IQCH: variants seen among roughly 807,000 people sequenced by gnomAD.
IQCH encodes the protein IQ motif containing H.
IQCH carries 98 observed loss-of-function variants against 117.0 expected under a neutral mutation model. The ratio of observed to expected loss-of-function variants is 0.84; its 90% confidence interval spans 0.71 to 0.99. The LOEUF is 0.99. Ranked by LOEUF, IQCH falls within the 50% of genes least tolerant of loss-of-function variation. The pLI is 0.00. For missense variants in IQCH, 1,102 were observed against 1,243.8 expected (o/e 0.89, Z 1.72); for synonymous variants, 412 against 448.2 (o/e 0.92, Z 1.02).
At chr15:67,358,480 G>A (rs543210063) in intron 7 of IQCH, among the ~76,000 whole-genome samples, 28 of 152,214 alleles carry the variant, frequency 1.8e-4, no homozygotes, top group Admixed American at 1.7e-3. Context: ...GTAGGCATAA[G>A]CCACCACACC....
Position 67,395,175 on chromosome 15 carries a change from A to T in IQCH, c.1633-116A>T. On this transcript the variant is annotated intron_variant, in intron 12 of 20. Coordinates refer to ENST00000335894, the MANE Select transcript of IQCH (RefSeq NM_001031715.3). The surrounding 1 kb of genome is among the most constrained non-coding windows in gnomAD (Gnocchi z 4.0). Reference sequence around the variant, plus strand: ...AATTTAAACTGCTAAACAACAGGATAGGTCATAACCCAGCCTGCTATTAAT... The same window carrying T: ...AATTTAAACTGCTAAACAACAGGATTGGTCATAACCCAGCCTGCTATTAAT... The T allele has an allele frequency of 9.0e-7, 1 of 1,105,066 alleles. No individual in the cohort carries two copies. The highest frequency in any genetic ancestry group is 2.4e-5 in the East Asian group (1 of 42,174). 68.5% of individuals were successfully genotyped at this position (1,105,066 alleles called of 1,614,324 possible).
intron 4 of IQCH, among the ~76,000 whole-genome samples, chr15:67,320,622 A>G (rs1237202385): frequency 6.6e-6 from 1 of 152,216 alleles, no homozygotes; most frequent in Non-Finnish European, 1.5e-5. Context: ...TTCTGGGTCC[A>G]GTGTGTCTCA....
At chr15:67,314,834 A>G (rs1422950973) in intron 4 of IQCH, among the ~76,000 whole-genome samples, 1 of 152,214 alleles carries the variant, frequency 6.6e-6, no homozygotes, top group Non-Finnish European at 1.5e-5. Flanking sequence ...GTGATCAGAT[A>G]ATTTTCTTAA....
chr15:67,284,439 C>G (rs1044696424), intron 4 of IQCH, among the ~76,000 whole-genome samples: 3 of 152,000 alleles, frequency 2.0e-5, no homozygotes, highest in Non-Finnish European at 4.4e-5. Context: ...TTTATCCATT[C>G]ATCTGGGTTT....
intron 8 of IQCH, among the ~76,000 whole-genome samples, chr15:67,363,859 A>G (rs970984109): frequency 6.6e-6 from 1 of 152,182 alleles, no homozygotes; most frequent in South Asian, 2.1e-4. Flanking sequence ...CTCCAGCTCT[A>G]TCCATGTTGC....
In IQCH at chr15:67,387,723, T is replaced by G. The variant is rs1971152451; in HGVS notation, c.1457-1108T>G. ...CACCAGATACTTTCTATATCTTCAC[T>G]CATTTAATAGTGTCTAAAACTCTAT... On this transcript the variant is annotated intron_variant, in intron 11 of 20. Coordinates refer to ENST00000335894, the MANE Select transcript of IQCH (RefSeq NM_001031715.3). This position sits in a 1 kb window ranked among gnomAD's most constrained non-coding sequence, Gnocchi z 4.8. Among the ~76,000 whole-genome samples, 1 of 152,216 alleles carries G rather than the reference T, an allele frequency of 6.6e-6. No individual in the cohort carries two copies. Among genetic ancestry groups the G allele is most frequent in the Non-Finnish European group, 1.5e-5 (1 of 68,034 alleles).
At chr15:67,335,353 C>T (rs1281610033) in intron 4 of IQCH, among the ~76,000 whole-genome samples, 1 of 152,164 alleles carries the variant, frequency 6.6e-6, no homozygotes, top group Non-Finnish European at 1.5e-5. Context: ...AAATTATCCT[C>T]TTTGTCCTGA....
chr15:67,461,194 G>A (rs1031166166), intron 16 of IQCH, among the ~76,000 whole-genome samples: 1 of 152,052 alleles, frequency 6.6e-6, no homozygotes, highest in Admixed American at 6.5e-5. Context: ...TGGCCAACAT[G>A]TTGAAACCCC....
In IQCH at chr15:67,386,686, A is replaced by G. The variant is rs1389703037; in HGVS notation, c.1456+1667A>G. ...TATTGGCTGTGAATTCATGGTTCTC[A>G]GGTGCAGACCCCAATGGCTAGTATT... On this transcript the variant is annotated intron_variant, in intron 11 of 20. Transcript: ENST00000335894. This position sits in a 1 kb window ranked among gnomAD's most constrained non-coding sequence, Gnocchi z 5.0. 6.6e-6 allele frequency among the ~76,000 whole-genome samples: 1 copy of G among 152,178 alleles called. No individual in the cohort carries two copies. Among genetic ancestry groups the G allele is most frequent in the African/African-American group, 2.4e-5 (1 of 41,456 alleles).
At position 67,500,005 on chromosome 15, in the gene IQCH, C is replaced by T. The variant is rs2083936530; in HGVS notation, c.2971-628C>T. On this transcript the variant is annotated intron_variant, in intron 20 of 20. Transcript: ENST00000335894. The surrounding 1 kb of genome is among the most constrained non-coding windows in gnomAD (Gnocchi z 4.4). Reference sequence around the variant, plus strand: ...GTGACAGCTAATGGGGACAGAGTTTCTATTTGGGGTGATGAAAATGTTCTG... The same window carrying T: ...GTGACAGCTAATGGGGACAGAGTTTTTATTTGGGGTGATGAAAATGTTCTG... Among the ~76,000 whole-genome samples the T allele has an allele frequency of 1.3e-5, 2 of 152,060 alleles. No homozygotes were observed. Among genetic ancestry groups the T allele is most frequent in the South Asian group, 4.1e-4 (2 of 4,830 alleles).
intron 16 of IQCH, among the ~76,000 whole-genome samples, chr15:67,455,818 T>C (rs1372206834): frequency 6.6e-6 from 1 of 152,212 alleles, no homozygotes; most frequent in Admixed American, 6.5e-5. Flanking sequence ...AGAATAACTA[T>C]CTACAGTATG....
intron 19 of IQCH, among the ~76,000 whole-genome samples, chr15:67,492,709 T>C (rs1171292805): frequency 6.6e-6 from 1 of 152,036 alleles, no homozygotes; most frequent in African/African-American, 2.4e-5. Flanking sequence ...TGTCCTGGAA[T>C]TGATGGGATG....
At chr15:67,497,417 G>A (rs1285360353) in intron 20 of IQCH, among the ~76,000 whole-genome samples, 1 of 152,158 alleles carries the variant, frequency 6.6e-6, no homozygotes, top group Non-Finnish European at 1.5e-5. Flanking sequence ...TTATATTTGT[G>A]TAATGAATAA....
chr15:67,328,844 G>A (rs868103420), intron 4 of IQCH, among the ~76,000 whole-genome samples: 1 of 152,128 alleles, frequency 6.6e-6, no homozygotes, highest in South Asian at 2.1e-4. Context: ...AACAATAGGT[G>A]GCAATAGAAT....
At position 67,274,815 on chromosome 15, in the gene IQCH, T is replaced by G. The variant is rs150017920; in HGVS notation, c.270-4580T>G. 6.4e-4 allele frequency among the ~76,000 whole-genome samples: 97 copies of G among 152,332 alleles called. 1 individual carries two copies. Among genetic ancestry groups the G allele is most frequent in the Admixed American group, 4.3e-3 (66 of 15,294 alleles). On this transcript the variant is annotated intron_variant, in intron 3 of 20. Transcript: ENST00000335894. ...TTAATGGATATGCTTGCTTTTTTCT[T>G]TGTAATTTTTGAATATCTTTTTTTC... is the stretch of plus-strand genomic sequence containing the variant.
Position 67,474,085 on chromosome 15 carries a change from T to TGTGTGC in IQCH, c.2677-1606_2677-1605insCGTGTG, listed in dbSNP as rs1274310826. Among the ~76,000 whole-genome samples, 5 of 151,070 alleles carry TGTGTGC rather than the reference T, an allele frequency of 3.3e-5. No homozygotes were observed. Among genetic ancestry groups the TGTGTGC allele is most frequent in the Admixed American group, 3.3e-4 (5 of 15,114 alleles). ...AAATCTGAGTGTGTGTGTGTGTGTGTGTGTGTGTGTGTGTGTGTGGAGAGG... is the reference window on the plus strand; with the variant it reads ...AAATCTGAGTGTGTGTGTGTGTGTGTGTGTGCGTGTGTGTGTGTGTGTGTGGAGAGG... On this transcript the variant is annotated intron_variant, in intron 17 of 20. Coordinates refer to ENST00000335894, the MANE Select transcript of IQCH (RefSeq NM_001031715.3). The surrounding 1 kb of genome is among the most constrained non-coding windows in gnomAD (Gnocchi z 4.1).
chr15:67,298,130 GA>G lies in IQCH; in HGVS notation c.387+18621del, dbSNP rs955691813. On this transcript the variant is annotated intron_variant, in intron 4 of 20. Coordinates refer to ENST00000335894, the MANE Select transcript of IQCH (RefSeq NM_001031715.3). ...TCCAGACCAGCCTGGCTAATATGGT[GA>G]AACCCCGTCTCTACTAAAAATACAA... Among the ~76,000 whole-genome samples, 26 of 152,014 alleles carry G rather than the reference GA, an allele frequency of 1.7e-4. 1 individual carries two copies. Among genetic ancestry groups the G allele is most frequent in the Non-Finnish European group, 3.8e-4 (26 of 67,984 alleles).
At chr15:67,255,030 T>G (rs1407454488) in intron 1 of IQCH, 83 bp downstream of exon 1, 2 of 1,363,528 alleles carry the variant, frequency 1.5e-6, no homozygotes, top group Non-Finnish European at 2.1e-6. Flanking sequence ...TCACCGACGC[T>G]CACCCATTTG....
chr15:67,453,295 G>A lies in IQCH; in HGVS notation c.2506-11832G>A, dbSNP rs1243472887. Among the ~76,000 whole-genome samples, 1 of 152,180 alleles carries A rather than the reference G, an allele frequency of 6.6e-6. No homozygotes were observed. The highest frequency in any genetic ancestry group is 1.9e-4 in the East Asian group (1 of 5,198). ...AGCTGCGTTCCTTTGGAGGAGGAGA[G>A]GCGCTCTGCTTTTTAGAGTTTCCAG... On this transcript the variant is annotated intron_variant, in intron 16 of 20. Transcript: ENST00000335894. The surrounding 1 kb of genome is among the most constrained non-coding windows in gnomAD (Gnocchi z 5.8).
Sources: allele counts gnomAD v4.1 joint callset (sites outside exome capture counted in the v4.1 genomes callset), GRCh38; gene constraint gnomAD v4.1.1; non-coding constraint Gnocchi (gnomAD v3.1); transcripts MANE v1.5; gene names NCBI Gene and HGNC (gene_info 2026-07-23, HGNC 2026-07-21).